The following SHROOM3 variants were observed in gnomAD, a reference collection of about 807,000 sequenced individuals.
SHROOM3 encodes the protein shroom family member 3.
SHROOM3 carries 47 observed loss-of-function variants against 138.6 expected under a neutral mutation model. That is an observed-to-expected ratio of 0.34 (90% CI 0.27 to 0.43). The LOEUF is 0.43. Among genes scored for constraint, SHROOM3 ranks in the 20% least tolerant of loss-of-function variants. The pLI, the probability that SHROOM3 is intolerant of heterozygous loss-of-function variation, is 1.00. For missense variants in SHROOM3, 2,491 were observed against 2,596.5 expected, an observed-to-expected ratio of 0.96 and a Z score of 0.88; for synonymous variants, 1,062 against 1,063.3, an observed-to-expected ratio of 1.00 and a Z score of 0.02.
At chr4:76,640,688 A>C (rs1298574867) in intron 2 of SHROOM3, among the ~76,000 whole-genome samples, 2 of 152,298 alleles carry the variant, frequency 1.3e-5, no homozygotes, top group East Asian at 3.9e-4. Flanking sequence ...GGTTGGCATC[A>C]TTGCCGTTCT....
rs200237037 is a variant in SHROOM3 at position 76,694,626 on chromosome 4, C to A, written c.324-15530C>A. ...CTGCTACACTAGTAATTTGGAGAGT[C>A]CTTTAAGCAGCTGTTTCCTCATCTG... On this transcript the variant is annotated intron_variant, in intron 2 of 10. Coordinates refer to ENST00000296043, the MANE Select transcript of SHROOM3 (RefSeq NM_020859.4). 3.9e-5 allele frequency among the ~76,000 whole-genome samples: 6 copies of A among 152,236 alleles called. No individual in the cohort carries two copies. The East Asian group carries it at 1.2e-3, about 29-fold the overall frequency.
At chr4:76,644,941 T>C (rs1390039573) in intron 2 of SHROOM3, among the ~76,000 whole-genome samples, 1 of 152,220 alleles carries the variant, frequency 6.6e-6, no homozygotes, top group East Asian at 1.9e-4. Context: ...GTAGTACTTA[T>C]GTAGCACTTA....
chr4:76,491,646 A>T (rs189729181), intron 1 of SHROOM3, among the ~76,000 whole-genome samples: 217 of 152,310 alleles, frequency 1.4e-3, no homozygotes, highest in African/African-American at 5.0e-3. Context: ...GGACAGACCA[A>T]GAAAATTAGG....
chr4:76,689,382 G>A (rs1274320845), intron 2 of SHROOM3, among the ~76,000 whole-genome samples: 3 of 151,400 alleles, frequency 2.0e-5, no homozygotes, highest in Admixed American at 6.6e-5. Flanking sequence ...CCGAGCCAGC[G>A]CGGCCCCTCG....
At chr4:76,545,416 A>G (rs937252291) in intron 1 of SHROOM3, among the ~76,000 whole-genome samples, 9 of 152,160 alleles carry the variant, frequency 5.9e-5, no homozygotes, top group Non-Finnish European at 1.3e-4. Context: ...GCTCATTTGG[A>G]TGGTCCATAG....
At chr4:76,535,936 C>T (rs1021875603) in intron 1 of SHROOM3, among the ~76,000 whole-genome samples, 3 of 152,102 alleles carry the variant, frequency 2.0e-5, no homozygotes, top group Non-Finnish European at 2.9e-5. Context: ...GGAAGAAATG[C>T]GGAGCTGATA....
chr4:76,482,013 T>C (rs1468941919), intron 1 of SHROOM3, among the ~76,000 whole-genome samples: 1 of 152,080 alleles, frequency 6.6e-6, no homozygotes, highest in Non-Finnish European at 1.5e-5. Context: ...CTCAAAATAT[T>C]AAAAGATATT....
chr4:76,599,479 T>C (rs1020219816), intron 2 of SHROOM3, among the ~76,000 whole-genome samples: 1 of 152,256 alleles, frequency 6.6e-6, no homozygotes, highest in African/African-American at 2.4e-5. Context: ...ATTCTTTCTT[T>C]CAAGATGAAA....
rs540740959 is a variant in SHROOM3, at chr4:76,594,519, A to C, written c.323+38756A>C. Among the ~76,000 whole-genome samples, 523 of 152,380 alleles carry C rather than the reference A, an allele frequency of 3.4e-3. 1 individual carries two copies. Among genetic ancestry groups the C allele is most frequent in the African/African-American group, 0.012 (500 of 41,600 alleles). The stretch of plus-strand genomic sequence containing the variant: ...CACTTACATAAAAACTTTAACTTTG[A>C]AAAGTTAAAAAACATAAAATTAGAG... On this transcript the variant is annotated intron_variant, in intron 2 of 10. Coordinates refer to ENST00000296043, the MANE Select transcript of SHROOM3 (RefSeq NM_020859.4).
intron 3 of SHROOM3, among the ~76,000 whole-genome samples, chr4:76,725,157 G>A (rs1233553518): frequency 4.7e-5 from 4 of 84,880 alleles, no homozygotes; most frequent in African/African-American, 1.8e-4. Context: ...CACCCCCACC[G>A]CCAAAATCAT....
chr4:76,647,193 T>A (rs1203507226), intron 2 of SHROOM3, among the ~76,000 whole-genome samples: 1 of 152,130 alleles, frequency 6.6e-6, no homozygotes, highest in Non-Finnish European at 1.5e-5. Flanking sequence ...TTTTCACTCA[T>A]ATGTGGGGGC....
chr4:76,687,610 C>A (rs1319735784), intron 2 of SHROOM3, among the ~76,000 whole-genome samples: 7 of 152,198 alleles, frequency 4.6e-5, no homozygotes, highest in Admixed American at 3.9e-4. Context: ...TACTTTTGAT[C>A]CCATGAGACA....
At chr4:76,489,749 A>G (rs1382382738) in intron 1 of SHROOM3, among the ~76,000 whole-genome samples, 1 of 152,194 alleles carries the variant, frequency 6.6e-6, no homozygotes, top group African/African-American at 2.4e-5. Context: ...ATAGAAAAAG[A>G]CAAAGGACCC....
chr4:76,645,076 C>T (rs1735783559), intron 2 of SHROOM3, among the ~76,000 whole-genome samples: 1 of 152,198 alleles, frequency 6.6e-6, no homozygotes, highest in Non-Finnish European at 1.5e-5. Flanking sequence ...GGCTCTTTGA[C>T]TCCAAAGCCT....
intron 2 of SHROOM3, among the ~76,000 whole-genome samples, chr4:76,680,489 A>G (rs1223106483): frequency 6.6e-6 from 1 of 152,156 alleles, no homozygotes; most frequent in Admixed American, 6.5e-5. Flanking sequence ...TCTTCTCTGA[A>G]ATTTTGCTCG....
At chr4:76,648,156 T>C (rs1169004152) in intron 2 of SHROOM3, among the ~76,000 whole-genome samples, 2 of 151,616 alleles carry the variant, frequency 1.3e-5, no homozygotes, top group Admixed American at 6.6e-5. Flanking sequence ...AGTGAGACCC[T>C]GTCTCTGCAA....
chr4:76,770,762 A>T lies in SHROOM3; in HGVS notation c.5486A>T (p.Asn1829Ile), dbSNP rs1722333448. 1 of 1,614,208 alleles carries T rather than the reference A, an allele frequency of 6.2e-7. No individual in the cohort carries two copies. The change falls in exon 10 of 11, where the codon AAT becomes ATT. Residue 1829 changes from asparagine (N) to isoleucine (I), a missense_variant. Physicochemically the swap from Asn to Ile is moderately radical, Grantham distance 149. Coordinates refer to ENST00000296043, the MANE Select transcript of SHROOM3 (RefSeq NM_020859.4). The stretch of plus-strand genomic sequence containing the variant: ...CTGATCAGCGAGCTCTGCAAGCCCA[A>T]TGAGTTTGACAAGTATAGGATGTTC... Reference protein sequence around the residue: ...EALISELCKPNEFDKYRMFIG... With the variant: ...EALISELCKPIEFDKYRMFIG...
Position 76,780,186 on chromosome 4 carries a change from T to C in SHROOM3, c.*1009T>C, listed in dbSNP as rs1722696645. ...AAAATGTTTTCTAAAATGTCAAACC[T>C]GTTGACCACACTTTGATTAAAAACT... On this transcript the variant is annotated 3_prime_UTR_variant, in exon 11 of 11. Transcript: ENST00000296043. 6.6e-6 allele frequency: 1 copy of C among 152,196 alleles called. No homozygotes were observed. The highest frequency in any genetic ancestry group is 1.5e-5 in the Non-Finnish European group (1 of 68,020). 9.4% of individuals were successfully genotyped at this position (152,196 alleles called of 1,614,324 possible).
At chr4:76,547,518 CTCCATGCTGTTCTGG>C (rs1435122706) in intron 1 of SHROOM3, among the ~76,000 whole-genome samples, 1 of 152,184 alleles carries the variant, frequency 6.6e-6, no homozygotes, top group Non-Finnish European at 1.5e-5. Flanking sequence ...CTGCTATGTG[CTCCATGCTGTTCTGG>C]GCGTCGGGGA....
Sources: allele counts gnomAD v4.1 joint callset (sites outside exome capture counted in the v4.1 genomes callset), GRCh38; gene constraint gnomAD v4.1.1; transcripts MANE v1.5; gene names NCBI Gene and HGNC (gene_info 2026-07-23, HGNC 2026-07-21).